The following LUZP2 variants were observed in gnomAD, a reference collection of about 807,000 sequenced individuals.
The protein encoded by LUZP2 is leucine zipper protein 2.
Under a neutral mutation model 51.6 loss-of-function variants are expected in LUZP2, and 52 were observed. The observed-to-expected ratio is 1.01, with a 90% CI of 0.81 to 1.27. LUZP2 has a LOEUF of 1.27. Among genes scored for constraint, LUZP2 ranks in the 50% most tolerant of loss-of-function variants. The pLI, the probability that LUZP2 is intolerant of heterozygous loss-of-function variation, is 0.00. For missense variants in LUZP2, 436 were observed against 395.4 expected (o/e 1.10, Z -0.87); for synonymous variants, 154 against 137.3 (o/e 1.12, Z -0.85).
At chr11:24,593,606 C>CA (rs1448412411) in intron 1 of LUZP2, among the ~76,000 whole-genome samples, 2 of 152,152 alleles carry the variant, frequency 1.3e-5, no homozygotes, top group Non-Finnish European at 1.5e-5. Flanking sequence ...TGGCAACCCT[C>CA]ACAGTTTGGG....
intron 10 of LUZP2, 111 bp from the exon 11 acceptor site, chr11:25,077,218 C>G: frequency 1.2e-6 from 1 of 836,676 alleles, no homozygotes; most frequent in South Asian, 1.3e-5. Context: ...CAGTATGGAT[C>G]AAAGTGATAG....
At chr11:24,930,016 T>C (rs1487480463) in intron 7 of LUZP2, among the ~76,000 whole-genome samples, 1 of 152,210 alleles carries the variant, frequency 6.6e-6, no homozygotes, top group Admixed American at 6.5e-5. Flanking sequence ...GCTGCTACTT[T>C]AAAGTTTGTT....
At chr11:25,014,532 G>C (rs1273228888) in intron 9 of LUZP2, among the ~76,000 whole-genome samples, 1 of 152,132 alleles carries the variant, frequency 6.6e-6, no homozygotes, top group Non-Finnish European at 1.5e-5. Context: ...GTGTCTGTTG[G>C]CTGCATAAAT....
chr11:24,870,799 A>ATG (rs1852047671), intron 5 of LUZP2, among the ~76,000 whole-genome samples: 1 of 152,074 alleles, frequency 6.6e-6, no homozygotes, highest in East Asian at 1.9e-4. Flanking sequence ...ATTCTATTAT[A>ATG]ATCTTCATCC....
intron 7 of LUZP2, among the ~76,000 whole-genome samples, chr11:24,940,939 C>T (rs571192633): frequency 6.6e-6 from 1 of 152,104 alleles, no homozygotes; most frequent in Non-Finnish European, 1.5e-5. Flanking sequence ...TTCTCTTTCA[C>T]TTTTGTTTTG....
intron 5 of LUZP2, among the ~76,000 whole-genome samples, chr11:24,780,869 A>T (rs762521532): frequency 6.6e-6 from 1 of 152,190 alleles, no homozygotes; most frequent in Non-Finnish European, 1.5e-5. Flanking sequence ...ATTTTTAAGA[A>T]CACTACTAAA....
chr11:24,617,633 C>T (rs955505342), intron 1 of LUZP2, among the ~76,000 whole-genome samples: 3 of 152,018 alleles, frequency 2.0e-5, no homozygotes, highest in African/African-American at 7.2e-5. Flanking sequence ...CCAGCCTGGG[C>T]AACACAGTGA....
intron 10 of LUZP2, among the ~76,000 whole-genome samples, chr11:25,075,067 A>T (rs1306432358): frequency 3.3e-5 from 5 of 152,174 alleles, no homozygotes; most frequent in African/African-American, 1.2e-4. Context: ...AAATGCAAGA[A>T]TAATAAAAAC....
intron 5 of LUZP2, among the ~76,000 whole-genome samples, chr11:24,828,576 CAT>C (rs1850610278): frequency 7.3e-6 from 1 of 136,416 alleles, no homozygotes; most frequent in Non-Finnish European, 1.6e-5. Flanking sequence ...AAAAAAAAAA[CAT>C]ATCTACTAAT....
chr11:24,738,154 T>C, intron 3 of LUZP2, 67 bp from the exon 4 acceptor site: 1 of 1,135,616 alleles, frequency 8.8e-7, no homozygotes. Context: ...CTTCCTTTTA[T>C]AATGTTCATA....
rs549514617 is a variant in LUZP2, at chr11:24,875,372, A to C, written c.397-30619A>C. Among the ~76,000 whole-genome samples, 701 of 148,498 alleles carry C rather than the reference A, an allele frequency of 4.7e-3. 11 individuals carry two copies. Among genetic ancestry groups the C allele is most frequent in the African/African-American group, 0.017 (678 of 40,072 alleles). On this transcript the variant is annotated intron_variant, in intron 5 of 11. Coordinates refer to ENST00000336930, the MANE Select transcript of LUZP2 (RefSeq NM_001009909.4). Reference sequence around the variant, plus strand: ...GTGGTGTTTGGTTTTTTGTTCTTGCAATAGTTTACTGAGAATGATGATTTC... The same window carrying C: ...GTGGTGTTTGGTTTTTTGTTCTTGCCATAGTTTACTGAGAATGATGATTTC...
intron 9 of LUZP2, among the ~76,000 whole-genome samples, chr11:24,998,152 T>C (rs992479426): frequency 1.3e-5 from 2 of 152,166 alleles, no homozygotes; most frequent in African/African-American, 4.8e-5. Context: ...TCCAATTCTG[T>C]GAAGAAAGTC....
intron 1 of LUZP2, among the ~76,000 whole-genome samples, chr11:24,651,717 CATTTAAATCAGTAGA>C (rs1379815142): frequency 6.6e-6 from 1 of 152,040 alleles, no homozygotes; most frequent in Non-Finnish European, 1.5e-5. Flanking sequence ...TTGAGATAAA[CATTTAAATCAGTAGA>C]CTTTCAATAA....
In LUZP2 at chr11:24,510,721, T is replaced by C. The variant is rs528681311; in HGVS notation, c.62+13416T>C. On this transcript the variant is annotated intron_variant, in intron 1 of 11. Coordinates refer to ENST00000336930, the MANE Select transcript of LUZP2 (RefSeq NM_001009909.4). ...TTTGTGACTATGTTCATATAAAGAA[T>C]AAAATATTAATATTATCTACTTCAA... 2.0e-5 allele frequency among the ~76,000 whole-genome samples: 3 copies of C among 152,316 alleles called. No homozygotes were observed. The South Asian group carries it at 6.2e-4, about 32-fold the overall frequency.
intron 7 of LUZP2, among the ~76,000 whole-genome samples, chr11:24,957,858 C>T (rs537452987): frequency 6.6e-6 from 1 of 152,240 alleles, no homozygotes; most frequent in East Asian, 1.9e-4. Flanking sequence ...CACCCACTAA[C>T]TCGTCATCTA....
chr11:25,036,318 C>T (rs1206082687), intron 9 of LUZP2, among the ~76,000 whole-genome samples: 3 of 151,956 alleles, frequency 2.0e-5, no homozygotes, highest in Non-Finnish European at 4.4e-5. Context: ...GTTGTAATAT[C>T]TCCTTTGACA....
intron 7 of LUZP2, among the ~76,000 whole-genome samples, chr11:24,954,505 G>GC (rs1265896817): frequency 6.6e-6 from 1 of 152,016 alleles, no homozygotes; most frequent in Admixed American, 6.6e-5. Context: ...AGTGTGGGTT[G>GC]CCAACACCAT....
At chr11:24,680,888 C>G (rs926544499) in intron 1 of LUZP2, among the ~76,000 whole-genome samples, 1 of 152,126 alleles carries the variant, frequency 6.6e-6, no homozygotes, top group Non-Finnish European at 1.5e-5. Flanking sequence ...GCTTCTCAAA[C>G]TTTGGACTGC....
intron 9 of LUZP2, among the ~76,000 whole-genome samples, chr11:25,030,922 A>C (rs1565254438): frequency 8.9e-5 from 1 of 11,184 alleles, no homozygotes; most frequent in African/African-American, 1.4e-3. Flanking sequence ...ATTGTATTAT[A>C]TATATATAAT....
Sources: allele counts gnomAD v4.1 joint callset (sites outside exome capture counted in the v4.1 genomes callset), GRCh38; gene constraint gnomAD v4.1.1; transcripts MANE v1.5; gene names NCBI Gene and HGNC (gene_info 2026-07-23, HGNC 2026-07-21).